Variants in LRP1B observed in about 807,000 individuals in gnomAD.
LRP1B encodes the protein low-density lipoprotein receptor-related protein 1B.
Under a neutral mutation model 556.6 loss-of-function variants are expected in LRP1B, and 217 were observed. The observed-to-expected ratio is 0.39, with a 90% CI of 0.35 to 0.44. The LOEUF (loss-of-function observed/expected upper bound fraction) is 0.44. LRP1B is among the 20% of genes least tolerant of loss of function. The pLI is 1.00. For synonymous variants in LRP1B, 2,047 were observed against 1,865.8 expected (o/e 1.10, Z -2.50); for missense variants, 5,053 against 5,620.8 (o/e 0.90, Z 3.23).
chr2:141,490,767 A>C (rs185399721), intron 2 of LRP1B, among the ~76,000 whole-genome samples: 3 of 152,160 alleles, frequency 2.0e-5, no homozygotes, highest in Admixed American at 6.6e-5. Context: ...TGGATGATTA[A>C]AAATCAGTGC....
At chr2:142,028,881 T>C (rs1458004667) in intron 1 of LRP1B, among the ~76,000 whole-genome samples, 3 of 151,962 alleles carry the variant, frequency 2.0e-5, no homozygotes, top group African/African-American at 7.2e-5. Flanking sequence ...TATTTCACTG[T>C]GGTTTTAATT....
chr2:140,932,884 T>TACACACACAC (rs781052076), intron 20 of LRP1B, among the ~76,000 whole-genome samples: 3 of 13,812 alleles, frequency 2.2e-4, no homozygotes, highest in Non-Finnish European at 2.8e-4. Flanking sequence ...TCTCTCTCCC[T>TACACACACAC]ATACACACAC....
intron 1 of LRP1B, among the ~76,000 whole-genome samples, chr2:142,057,442 A>G (rs1336653050): frequency 6.6e-6 from 1 of 152,094 alleles, no homozygotes; most frequent in Non-Finnish European, 1.5e-5. Flanking sequence ...AGGTTGTCAA[A>G]TATCTCTTCC....
chr2:140,626,429 C>T (rs779075761), intron 41 of LRP1B, among the ~76,000 whole-genome samples: 16 of 152,118 alleles, frequency 1.1e-4, no homozygotes, highest in Admixed American at 2.0e-4. Flanking sequence ...ACCACTCTGA[C>T]GCAAGATAGG....
intron 54 of LRP1B, 135 bp from the exon 55 acceptor site, chr2:140,502,009 T>C: frequency 1.6e-6 from 1 of 625,992 alleles, no homozygotes; most frequent in Non-Finnish European, 2.5e-6. Context: ...ATCTTTTACA[T>C]ATTCAGTATA....
At chr2:140,363,744 C>T (rs1440708198) in intron 72 of LRP1B, among the ~76,000 whole-genome samples, 1 of 150,972 alleles carries the variant, frequency 6.6e-6, no homozygotes. Flanking sequence ...TTGTATTTTT[C>T]CCTGCACTTT....
chr2:141,833,255 TTAAA>T (rs1697167938), intron 1 of LRP1B, among the ~76,000 whole-genome samples: 1 of 151,848 alleles, frequency 6.6e-6, no homozygotes, highest in African/African-American at 2.4e-5. Flanking sequence ...TCTAAACGTA[TTAAA>T]TGTTTTGATA....
chr2:140,793,166 G>C (rs1333175525), intron 32 of LRP1B, among the ~76,000 whole-genome samples: 5 of 151,826 alleles, frequency 3.3e-5, no homozygotes, highest in African/African-American at 1.2e-4. Context: ...TTTTATTGTA[G>C]AATCATAAGT....
intron 3 of LRP1B, among the ~76,000 whole-genome samples, chr2:141,383,487 A>G (rs1233386185): frequency 6.6e-6 from 1 of 152,186 alleles, no homozygotes; most frequent in Non-Finnish European, 1.5e-5. Flanking sequence ...TTGAATGGAT[A>G]AAAAATATAT....
chr2:141,270,593 A>T (rs940572516), intron 3 of LRP1B, among the ~76,000 whole-genome samples: 22 of 152,094 alleles, frequency 1.4e-4, no homozygotes, highest in African/African-American at 5.1e-4. Flanking sequence ...AAAGTGGGAC[A>T]TTATGCAGGC....
chr2:141,024,832 A>T (rs1227409490), intron 11 of LRP1B, among the ~76,000 whole-genome samples: 1 of 151,958 alleles, frequency 6.6e-6, no homozygotes, highest in East Asian at 1.9e-4. Context: ...AGGGGTCCAT[A>T]TGGATGCTTT....
chr2:141,712,403 A>T (rs1268937783), intron 2 of LRP1B, among the ~76,000 whole-genome samples: 2 of 152,052 alleles, frequency 1.3e-5, no homozygotes, highest in Non-Finnish European at 2.9e-5. Flanking sequence ...AAAGCCACAG[A>T]CCTAGTTATT....
chr2:140,796,324 T>C (rs752810290), intron 32 of LRP1B, among the ~76,000 whole-genome samples: 4 of 152,112 alleles, frequency 2.6e-5, no homozygotes, highest in Admixed American at 6.6e-5. Context: ...AAAATAGTAG[T>C]ATGATATACT....
intron 18 of LRP1B, among the ~76,000 whole-genome samples, chr2:140,964,991 G>C (rs1224745853): frequency 6.6e-6 from 1 of 152,036 alleles, no homozygotes. Flanking sequence ...AGGTTTGGAG[G>C]GATATAATAG....
At chr2:140,730,671 T>G (rs1315409082) in intron 35 of LRP1B, among the ~76,000 whole-genome samples, 1 of 152,114 alleles carries the variant, frequency 6.6e-6, no homozygotes, top group Non-Finnish European at 1.5e-5. Flanking sequence ...GTGATTCTCC[T>G]GCCTCAGCCT....
In LRP1B at chr2:141,936,031, TTAA is replaced by T. The variant is rs1265277152; in HGVS notation, c.83-125633_83-125631del. The stretch of plus-strand genomic sequence containing the variant: ...ATACATTCAACATCTACTTTTTATG[TTAA>T]TAACACTGTAGCAAAAAAAGGAGTG... On this transcript the variant is annotated intron_variant, in intron 1 of 90. Coordinates refer to ENST00000389484, the MANE Select transcript of LRP1B (RefSeq NM_018557.3). Among the ~76,000 whole-genome samples the T allele has an allele frequency of 2.0e-5, 3 of 152,210 alleles. No homozygotes were observed. In the East Asian group the frequency reaches 5.8e-4, roughly 29 times the overall value.
At chr2:142,025,295 C>G (rs1004644924) in intron 1 of LRP1B, among the ~76,000 whole-genome samples, 1 of 152,112 alleles carries the variant, frequency 6.6e-6, no homozygotes, top group African/African-American at 2.4e-5. Flanking sequence ...TTACCAGGAA[C>G]AGTTTAATAT....
chr2:141,670,084 G>T (rs551756985), intron 2 of LRP1B, among the ~76,000 whole-genome samples: 1 of 152,166 alleles, frequency 6.6e-6, no homozygotes, highest in East Asian at 1.9e-4. Context: ...ATTAATAAAC[G>T]AAGTGAAAAA....
intron 32 of LRP1B, among the ~76,000 whole-genome samples, chr2:140,794,459 A>G (rs968121528): frequency 6.8e-6 from 1 of 147,766 alleles, no homozygotes; most frequent in African/African-American, 2.5e-5. Context: ...AATGACTTGG[A>G]GGCATATTAG....
Sources: allele counts gnomAD v4.1 joint callset (sites outside exome capture counted in the v4.1 genomes callset), GRCh38; gene constraint gnomAD v4.1.1; transcripts MANE v1.5; gene names NCBI Gene and HGNC (gene_info 2026-07-23, HGNC 2026-07-21).